Variants in PPP2R2B observed in about 807,000 individuals in gnomAD.
PPP2R2B encodes protein phosphatase 2 regulatory subunit Bbeta.
In PPP2R2B, 5 loss-of-function variants were observed where a neutral mutation model predicts 46.0. That is an observed-to-expected ratio of 0.11 (90% confidence interval 0.06 to 0.23). PPP2R2B has a LOEUF of 0.23. PPP2R2B is among the 10% of genes least tolerant of loss of function. The pLI, the probability that PPP2R2B is intolerant of heterozygous loss-of-function variation, is 1.00. For synonymous variants in PPP2R2B, 215 were observed against 206.7 expected (o/e 1.04, Z -0.34); for missense variants, 367 against 575.0 (o/e 0.64, Z 3.70).
At chr5:147,058,510 A>C (rs1302988672), upstream of PPP2R2B, among the ~76,000 whole-genome samples, 1 of 152,146 alleles carries the variant, frequency 6.6e-6, no homozygotes, top group African/African-American at 2.4e-5. Context: ...AACAAACAAA[A>C]TGTGTCTTCT....
intron 1 of PPP2R2B, among the ~76,000 whole-genome samples, chr5:146,926,394 T>C (rs1763782951): frequency 6.6e-6 from 1 of 152,080 alleles, no homozygotes; most frequent in South Asian, 2.1e-4. Context: ...ATTTATTTAT[T>C]TACTTTTTTT....
Position 146,896,701 on chromosome 5 carries a change from G to A in PPP2R2B, c.79+158964C>T, listed in dbSNP as rs62373293. 2.0e-5 allele frequency among the ~76,000 whole-genome samples: 3 copies of A among 150,278 alleles called. No homozygotes were observed. The East Asian group carries it at 5.9e-4, about 29-fold the overall frequency. On this transcript the variant is annotated intron_variant, in intron 1 of 8. Coordinates refer to the PPP2R2B transcript ENST00000336640. Reference sequence around the variant, plus strand: ...ATTTCTTTCTTCCTTTTTTTTTTCGGTGATTCACTTTCCTGTTATTCAGAA... The same window carrying A: ...ATTTCTTTCTTCCTTTTTTTTTTCGATGATTCACTTTCCTGTTATTCAGAA...
chr5:146,620,581 C>T (rs950517116), intron 7 of PPP2R2B, among the ~76,000 whole-genome samples: 3 of 152,102 alleles, frequency 2.0e-5, no homozygotes, highest in African/African-American at 7.2e-5. Flanking sequence ...TGGTGAGTGG[C>T]AAAAGTGTCC....
chr5:146,920,688 C>CCCA (rs1344095460), intron 1 of PPP2R2B, among the ~76,000 whole-genome samples: 8 of 152,188 alleles, frequency 5.3e-5, no homozygotes, highest in Admixed American at 2.0e-4. Flanking sequence ...GGGAGAGAGC[C>CCCA]CCAGAGCAGA....
intron 2 of PPP2R2B, among the ~76,000 whole-genome samples, chr5:146,876,535 C>A (rs1158704360): frequency 1.3e-5 from 2 of 152,192 alleles, no homozygotes; most frequent in Admixed American, 1.3e-4. Flanking sequence ...GCTATCAGGT[C>A]ACTGAGTCAG....
chr5:146,877,966 G>T (rs1284267521), intron 2 of PPP2R2B, 36 bp downstream of exon 2: 2 of 1,600,142 alleles, frequency 1.2e-6, no homozygotes, highest in Admixed American at 3.4e-5. Flanking sequence ...ACTTGCGCCC[G>T]GCCCCAACGG....
At chr5:146,706,645 T>C (rs1779875784) in intron 2 of PPP2R2B, 1 of 823,682 alleles carries the variant, frequency 1.2e-6, no homozygotes, top group Non-Finnish European at 2.1e-6. Flanking sequence ...AGGGAAATCC[T>C]CCCGCCTTTG....
At chr5:146,934,583 GAA>G (rs3062352) in intron 1 of PPP2R2B, among the ~76,000 whole-genome samples, 484 of 31,468 alleles carry the variant, frequency 0.015, 1 homozygote, top group African/African-American at 0.046. Flanking sequence ...TTTTTCATAA[GAA>G]AAAAAAAAAA....
At chr5:146,987,990 A>C (rs1753507974) in intron 1 of PPP2R2B, among the ~76,000 whole-genome samples, 1 of 152,044 alleles carries the variant, frequency 6.6e-6, no homozygotes, top group South Asian at 2.1e-4. Flanking sequence ...CAGATAAAAT[A>C]GACTTTAAGT....
chr5:146,676,735 C>A (rs1292733160), intron 5 of PPP2R2B, among the ~76,000 whole-genome samples: 1 of 152,126 alleles, frequency 6.6e-6, no homozygotes, highest in Non-Finnish European at 1.5e-5. Flanking sequence ...AAGGCAGGAA[C>A]CATATCTTTC....
At chr5:147,035,702 A>T (rs528443930) in intron 1 of PPP2R2B, among the ~76,000 whole-genome samples, 1 of 152,314 alleles carries the variant, frequency 6.6e-6, no homozygotes, top group South Asian at 2.1e-4. Context: ...GAATGGAAAG[A>T]GAAAAATAGT....
intron 1 of PPP2R2B, among the ~76,000 whole-genome samples, chr5:147,020,044 C>T (rs2151884361): frequency 6.6e-6 from 1 of 152,290 alleles, no homozygotes; most frequent in East Asian, 1.9e-4. Context: ...GAGCTGCATT[C>T]AACTCTGATG....
intron 1 of PPP2R2B, among the ~76,000 whole-genome samples, chr5:147,031,825 G>C (rs1162791613): frequency 6.6e-6 from 1 of 152,124 alleles, no homozygotes; most frequent in African/African-American, 2.4e-5. Flanking sequence ...AATGGTGCTG[G>C]GATAATTGCC....
chr5:146,658,240 G>T (rs567797204), intron 5 of PPP2R2B, among the ~76,000 whole-genome samples: 67 of 152,246 alleles, frequency 4.4e-4, no homozygotes, highest in African/African-American at 1.6e-3. Flanking sequence ...AGGCCCAGTG[G>T]AGAATCTGAG....
At chr5:146,990,593 G>A (rs1299413497) in intron 1 of PPP2R2B, among the ~76,000 whole-genome samples, 7 of 151,948 alleles carry the variant, frequency 4.6e-5, no homozygotes, top group Admixed American at 4.6e-4. Flanking sequence ...ACAAATACAA[G>A]GCTTAAAACT....
chr5:146,998,976 T>C (rs562779581), intron 1 of PPP2R2B, among the ~76,000 whole-genome samples: 2 of 126,666 alleles, frequency 1.6e-5, no homozygotes, highest in African/African-American at 6.1e-5. Context: ...ATCAAGCCAC[T>C]GCACTCCAGC....
chr5:146,643,101 T>C (rs1416409034), intron 6 of PPP2R2B, among the ~76,000 whole-genome samples: 2 of 152,182 alleles, frequency 1.3e-5, no homozygotes, highest in Non-Finnish European at 2.9e-5. Context: ...ACTTATGATG[T>C]GTACTATTTT....
chr5:146,673,255 G>A (rs1047214576), intron 5 of PPP2R2B, among the ~76,000 whole-genome samples: 4 of 152,168 alleles, frequency 2.6e-5, no homozygotes, highest in South Asian at 2.1e-4. Flanking sequence ...AGATGCTGGC[G>A]GGATGATTTT....
upstream of PPP2R2B, among the ~76,000 whole-genome samples, chr5:146,880,182 TG>T (rs1762118939): frequency 0.1 from 1,098 of 10,774 alleles, no homozygotes; most frequent in South Asian, 0.25. Context: ...AGTTATTTTG[TG>T]TGTGTGTGTG....
Sources: allele counts gnomAD v4.1 joint callset (sites outside exome capture counted in the v4.1 genomes callset), GRCh38; gene constraint gnomAD v4.1.1; transcripts MANE v1.5; gene names NCBI Gene and HGNC (gene_info 2026-07-23, HGNC 2026-07-21).